PARD6G: variants seen among roughly 807,000 people sequenced by gnomAD.
The protein encoded by PARD6G is partitioning defective 6 homolog gamma.
Under a neutral mutation model 10.7 loss-of-function variants are expected in PARD6G, and 7 were observed. The ratio of observed to expected loss-of-function variants is 0.66; its 90% CI spans 0.37 to 1.23. PARD6G has a LOEUF of 1.23. Ranked by LOEUF, PARD6G falls within the 50% of genes most tolerant of loss-of-function variation. The probability of loss-of-function intolerance (pLI) is 0.02; values close to 1 mark genes in which losing one functional copy is unlikely to be tolerated. For synonymous variants in PARD6G, 287 were observed against 269.4 expected (o/e 1.07, Z -0.64); for missense variants, 548 against 571.8 (o/e 0.96, Z 0.42).
chr18:80,226,712 C>T (rs1398586256), intron 1 of PARD6G, among the ~76,000 whole-genome samples: 1 of 152,080 alleles, frequency 6.6e-6, no homozygotes, highest in Non-Finnish European at 1.5e-5. Flanking sequence ...TATAATGTGC[C>T]CCCAGAGATG....
At chr18:80,193,506 CT>C (rs1966922085) in intron 2 of PARD6G, among the ~76,000 whole-genome samples, 1 of 152,140 alleles carries the variant, frequency 6.6e-6, no homozygotes, top group African/African-American at 2.4e-5. Flanking sequence ...ATACAAAATG[CT>C]TTAATGGGTA....
intron 2 of PARD6G, among the ~76,000 whole-genome samples, chr18:80,195,905 A>G (rs1489722470): frequency 7.2e-6 from 1 of 139,316 alleles, no homozygotes; most frequent in Non-Finnish European, 1.6e-5. Context: ...TTTTTTTTTT[A>G]AAGTAAAAAA....
At chr18:80,208,814 T>C (rs556325284) in intron 1 of PARD6G, among the ~76,000 whole-genome samples, 4 of 152,230 alleles carry the variant, frequency 2.6e-5, no homozygotes, top group African/African-American at 4.8e-5. Flanking sequence ...AGTTAATAGA[T>C]AACCCCATCA....
At chr18:80,199,964 T>A (rs965182779) in intron 2 of PARD6G, among the ~76,000 whole-genome samples, 1 of 152,208 alleles carries the variant, frequency 6.6e-6, no homozygotes, top group Admixed American at 6.5e-5. Context: ...ATTAATTTTT[T>A]AAAACATAAT....
chr18:80,181,598 CT>C lies in PARD6G; in HGVS notation c.296-20993del, dbSNP rs1036691389. On this transcript the variant is annotated intron_variant, in intron 2 of 2. Coordinates refer to ENST00000353265, the MANE Select transcript of PARD6G (RefSeq NM_032510.4). This position sits in a 1 kb window ranked among gnomAD's most constrained non-coding sequence, Gnocchi z 7.9. ...ACTCAGCAGATCGGATCTACCTCCC[CT>C]CTCCCAACAAGGAGGGTCTCCTCCC... Among the ~76,000 whole-genome samples the C allele has an allele frequency of 1.3e-4, 20 of 152,244 alleles. No homozygotes were observed. The highest frequency in any genetic ancestry group is 4.8e-4 in the African/African-American group (20 of 41,550).
intron 1 of PARD6G, among the ~76,000 whole-genome samples, chr18:80,242,251 T>C (rs1967498743): frequency 6.6e-6 from 1 of 152,136 alleles, no homozygotes; most frequent in Non-Finnish European, 1.5e-5. Context: ...CATGCACAAA[T>C]ACAACAAAAC....
chr18:80,239,989 T>C (rs1264942489), intron 1 of PARD6G, among the ~76,000 whole-genome samples: 1 of 151,942 alleles, frequency 6.6e-6, no homozygotes, highest in African/African-American at 2.4e-5. Flanking sequence ...TGTGCAGAGA[T>C]CATGTGGCAA....
intron 1 of PARD6G, among the ~76,000 whole-genome samples, chr18:80,219,656 C>G (rs1967208713): frequency 1.3e-5 from 2 of 152,190 alleles, no homozygotes; most frequent in African/African-American, 4.8e-5. Context: ...ATTTCTAGGG[C>G]AGGGACAAAA....
chr18:80,195,275 T>C (rs1355044907), intron 2 of PARD6G, among the ~76,000 whole-genome samples: 1 of 152,062 alleles, frequency 6.6e-6, no homozygotes, highest in Non-Finnish European at 1.5e-5. Context: ...TTTGCTAGAC[T>C]TGAACTCTGC....
At chr18:80,171,121 A>T (rs567894887) in intron 2 of PARD6G, 5 of 152,226 alleles carry the variant, frequency 3.3e-5, no homozygotes, top group Admixed American at 6.5e-5. Context: ...AGTAATAATT[A>T]AAAAAATCCC....
chr18:80,232,018 A>C (rs1967363048), intron 1 of PARD6G, among the ~76,000 whole-genome samples: 1 of 152,140 alleles, frequency 6.6e-6, no homozygotes, highest in South Asian at 2.1e-4. Flanking sequence ...CTGCGTTCCT[A>C]CACTTGTCCC....
At position 80,216,780 on chromosome 18, in the gene PARD6G, C is replaced by T. The variant is rs185158821; in HGVS notation, c.73-13848G>A. On this transcript the variant is annotated intron_variant, in intron 1 of 2. Transcript: ENST00000353265. ...TAATAGCGGTTAGGGTGGAAATAAA[C>T]GGAAGACTCAAAAAACAGAGAAAGT... Among the ~76,000 whole-genome samples, 440 of 151,972 alleles carry T rather than the reference C, an allele frequency of 2.9e-3. 4 individuals are homozygous for T. Among genetic ancestry groups the T allele is most frequent in the African/African-American group, 0.01 (419 of 41,468 alleles).
chr18:80,179,219 A>C (rs1249179748), intron 2 of PARD6G, among the ~76,000 whole-genome samples: 1 of 127,584 alleles, frequency 7.8e-6, no homozygotes, highest in Non-Finnish European at 1.8e-5. Context: ...GGTTGGCTGC[A>C]GTCATTTTTT....
In PARD6G at chr18:80,159,969, A is replaced by G. The variant is rs772647294; in HGVS notation, c.933T>C (p.Arg311=). 5 of 1,494,278 alleles carry G rather than the reference A, an allele frequency of 3.3e-6. No homozygotes were observed. The highest frequency in any genetic ancestry group is 5.0e-5 in the Admixed American group (2 of 40,376). The allele number at this position is 1,494,278 out of a possible 1,614,324, so 92.6% of individuals were successfully genotyped here. A position where few individuals can be genotyped will look rare whatever the true frequency, so the allele number is the denominator to read the frequency against. ...VVIEGTLEPA[R]PPQTPGAPAG... Reference sequence around the variant, plus strand: ...CGGGCGCGCCCGGGGTCTGGGGGGGACGTGCAGGCTCCAGTGTGCCCTCGA... The same window carrying G: ...CGGGCGCGCCCGGGGTCTGGGGGGGGCGTGCAGGCTCCAGTGTGCCCTCGA... Residue 311 remains arginine, a synonymous_variant, in exon 3 of 3, where the codon CGT becomes CGC. Transcript: ENST00000353265.
rs988880276 is a variant in PARD6G, at chr18:80,200,475, T to C, written c.295+2235A>G. On this transcript the variant is annotated intron_variant, in intron 2 of 2. Transcript: ENST00000353265. The surrounding 1 kb of genome is among the most constrained non-coding windows in gnomAD (Gnocchi z 4.4). The stretch of plus-strand genomic sequence containing the variant: ...CCCCAGAGACAGGCACTACCACCCG[T>C]GCCACAGATGAGGACGGTAGAGCTC... 2.6e-5 allele frequency among the ~76,000 whole-genome samples: 4 copies of C among 152,126 alleles called. No homozygotes were observed. Among genetic ancestry groups the C allele is most frequent in the African/African-American group, 9.7e-5 (4 of 41,424 alleles).
chr18:80,172,419 C>A (rs2145253280), intron 2 of PARD6G, among the ~76,000 whole-genome samples: 1 of 147,670 alleles, frequency 6.8e-6, no homozygotes, highest in East Asian at 2.0e-4. Context: ...CAGTCTGTTG[C>A]CCGAGCTGGA....
At chr18:80,177,576 A>G (rs2052821685) in intron 2 of PARD6G, among the ~76,000 whole-genome samples, 1 of 151,576 alleles carries the variant, frequency 6.6e-6, no homozygotes, top group African/African-American at 2.4e-5. Flanking sequence ...CCCAAATGGA[A>G]AGCGCACACA....
rs1420335749 is a variant in PARD6G at position 80,199,532 on chromosome 18, AG to A, written c.295+3177del. The stretch of plus-strand genomic sequence containing the variant: ...GTGTGGGTGCATTTTTCCATGTGCT[AG>A]TATTTTGCTGAAGGGTTTTTACATC... On this transcript the variant is annotated intron_variant, in intron 2 of 2. Transcript: ENST00000353265. Among the ~76,000 whole-genome samples, 8 of 152,330 alleles carry A rather than the reference AG, an allele frequency of 5.3e-5. No homozygotes were observed. The East Asian group carries it at 1.5e-3, about 29-fold the overall frequency.
rs1433538239 is a variant in PARD6G at position 80,201,191 on chromosome 18, G to A, written c.295+1519C>T. Among the ~76,000 whole-genome samples, 1 of 152,148 alleles carries A rather than the reference G, an allele frequency of 6.6e-6. No individual in the cohort carries two copies. Among genetic ancestry groups the A allele is most frequent in the African/African-American group, 2.4e-5 (1 of 41,432 alleles). On this transcript the variant is annotated intron_variant, in intron 2 of 2. Coordinates refer to ENST00000353265, the MANE Select transcript of PARD6G (RefSeq NM_032510.4). The surrounding 1 kb of genome is among the most constrained non-coding windows in gnomAD (Gnocchi z 5.9). ...AAGAGGACAGAGGACGACAGGCAGA[G>A]GGGAACACGGGCTCATCAGATCAAG...
Sources: gnomAD v4.1 joint callset for allele counts (sites outside exome capture counted in the v4.1 genomes callset) on GRCh38, gnomAD v4.1.1 for gene constraint, Gnocchi (gnomAD v3.1) non-coding constraint, MANE v1.5 for transcripts, NCBI Gene and HGNC (gene_info 2026-07-23, HGNC 2026-07-21) for gene names.